The following DOCK7 variants were observed in gnomAD, a reference collection of about 807,000 sequenced individuals.
DOCK7 encodes the protein dedicator of cytokinesis 7.
DOCK7 carries 138 observed loss-of-function variants against 271.0 expected under a neutral mutation model. The observed-to-expected ratio is 0.51, with a 90% CI of 0.44 to 0.59. DOCK7 has a LOEUF of 0.59. Ranked by LOEUF, DOCK7 falls within the 20% of genes least tolerant of loss-of-function variation. DOCK7 has a pLI of 0.00. For missense variants in DOCK7, 2,066 were observed against 2,592.4 expected (o/e 0.80, Z 4.41); for synonymous variants, 823 against 876.1 (o/e 0.94, Z 1.07).
At chr1:62,549,606 T>TG (rs1435605181) in intron 22 of DOCK7, among the ~76,000 whole-genome samples, 1 of 152,152 alleles carries the variant, frequency 6.6e-6, no homozygotes, top group Non-Finnish European at 1.5e-5. Context: ...TCAGGATGAG[T>TG]GGGGTATCCA....
At chr1:62,640,007 C>T (rs1052574877) in intron 7 of DOCK7, among the ~76,000 whole-genome samples, 2 of 151,590 alleles carry the variant, frequency 1.3e-5, no homozygotes, top group African/African-American at 2.4e-5. Flanking sequence ...AGGCATGTTT[C>T]AAGAAATGCT....
At chr1:62,566,956 C>G (rs1324452237) in intron 18 of DOCK7, among the ~76,000 whole-genome samples, 1 of 152,216 alleles carries the variant, frequency 6.6e-6, no homozygotes, top group Non-Finnish European at 1.5e-5. Context: ...TGCTCATCAT[C>G]ACTGATCAAT....
At chr1:62,603,750 T>C (rs1156814624) in intron 14 of DOCK7, among the ~76,000 whole-genome samples, 1 of 151,890 alleles carries the variant, frequency 6.6e-6, no homozygotes. Context: ...GAAAGGATAA[T>C]CAGACTTTCA....
At chr1:62,569,201 A>G (rs1553172956) in intron 18 of DOCK7, among the ~76,000 whole-genome samples, 1 of 152,030 alleles carries the variant, frequency 6.6e-6, no homozygotes, top group Admixed American at 6.6e-5. Flanking sequence ...ACTATTCCAA[A>G]CAACTGCAAA....
At chr1:62,468,660 A>C (rs764113412) in intron 48 of DOCK7, among the ~76,000 whole-genome samples, 14 of 152,252 alleles carry the variant, frequency 9.2e-5, no homozygotes, top group Non-Finnish European at 1.6e-4. Context: ...ATACCTAGAA[A>C]ACCCTAAAGA....
chr1:62,544,449 G>A (rs1645634462), intron 23 of DOCK7, among the ~76,000 whole-genome samples: 1 of 152,130 alleles, frequency 6.6e-6, no homozygotes, highest in Non-Finnish European at 1.5e-5. Flanking sequence ...GAGTCTTATA[G>A]CACGGGGATC....
At chr1:62,549,092 A>G (rs993358626) in intron 22 of DOCK7, among the ~76,000 whole-genome samples, 3 of 152,174 alleles carry the variant, frequency 2.0e-5, no homozygotes, top group African/African-American at 7.2e-5. Context: ...GGCCTGAAAC[A>G]CATCCAGATA....
chr1:62,602,988 C>T (rs531326981), intron 14 of DOCK7, among the ~76,000 whole-genome samples: 1 of 151,732 alleles, frequency 6.6e-6, no homozygotes, highest in South Asian at 2.1e-4. Context: ...TGAATGATGT[C>T]TAAGTACTCA....
At chr1:62,490,187 C>A (rs935056399) in intron 41 of DOCK7, among the ~76,000 whole-genome samples, 16 of 151,794 alleles carry the variant, frequency 1.1e-4, no homozygotes, top group African/African-American at 3.6e-4. Context: ...CCTCCCACCC[C>A]AGCCTCCTAA....
intron 18 of DOCK7, among the ~76,000 whole-genome samples, chr1:62,567,046 A>C (rs534240423): frequency 2.6e-5 from 4 of 152,292 alleles, no homozygotes; most frequent in African/African-American, 9.6e-5. Context: ...GTCAGAAAGC[A>C]ACAGATGCTG....
At chr1:62,542,469 CAT>C in intron 25 of DOCK7, 137 bp downstream of exon 25, 1 of 690,764 alleles carries the variant, frequency 1.4e-6, no homozygotes, top group South Asian at 2.2e-5. Flanking sequence ...AGATGTAACA[CAT>C]GTAATTTTGT....
rs533318696 is a variant in DOCK7 at position 62,685,425 on chromosome 1, C to T, written c.38+2802G>A. On this transcript the variant is annotated intron_variant, in intron 1 of 49. Coordinates refer to ENST00000635253, the MANE Select transcript of DOCK7 (RefSeq NM_001367561.1). ...ATCATATTTGATAACAAGGAAGAACCTTTCATTCACAATAAGCAGTTAATA... is the reference window on the plus strand; with the variant it reads ...ATCATATTTGATAACAAGGAAGAACTTTTCATTCACAATAAGCAGTTAATA... 3.9e-5 allele frequency among the ~76,000 whole-genome samples: 6 copies of T among 152,220 alleles called. No individual in the cohort carries two copies. In the South Asian group the frequency reaches 1.2e-3, roughly 32 times the overall value.
intron 14 of DOCK7, among the ~76,000 whole-genome samples, chr1:62,603,164 C>CA (rs927526605): frequency 6.6e-6 from 1 of 151,534 alleles, no homozygotes; most frequent in Non-Finnish European, 1.5e-5. Flanking sequence ...AGTGTAACCC[C>CA]AAAATAAAAG....
intron 18 of DOCK7, among the ~76,000 whole-genome samples, chr1:62,568,128 G>C (rs1010531995): frequency 2.0e-5 from 3 of 151,926 alleles, no homozygotes; most frequent in Admixed American, 2.0e-4. Context: ...CACGGAAATT[G>C]CACAATTGCT....
At chr1:62,624,476 C>A (rs528861948) in intron 12 of DOCK7, among the ~76,000 whole-genome samples, 1 of 152,208 alleles carries the variant, frequency 6.6e-6, no homozygotes, top group East Asian at 1.9e-4. Flanking sequence ...TGTCTTGGAT[C>A]CATACATTCA....
chr1:62,546,719 CTAG>C (rs1283097343), intron 22 of DOCK7, among the ~76,000 whole-genome samples: 1 of 152,028 alleles, frequency 6.6e-6, no homozygotes, highest in Non-Finnish European at 1.5e-5. Context: ...TATCAAAATA[CTAG>C]TAAGATTATG....
chr1:62,481,406 C>A (rs1571238517), intron 43 of DOCK7: 1 of 152,282 alleles, frequency 6.6e-6, no homozygotes, highest in East Asian at 1.9e-4. Context: ...TACACTCCCT[C>A]TAGTGTCAAA....
intron 37 of DOCK7, among the ~76,000 whole-genome samples, chr1:62,498,595 C>T (rs913124078): frequency 6.6e-6 from 1 of 151,004 alleles, no homozygotes; most frequent in Admixed American, 6.6e-5. Flanking sequence ...ATTAAATGAA[C>T]ATCACTTTCT....
Position 62,455,360 on chromosome 1 carries a change from A to ACT in DOCK7, c.*52_*53dup, listed in dbSNP as rs1169810058. On this transcript the variant is annotated 3_prime_UTR_variant, in exon 50 of 50. Transcript: ENST00000635253. ...GTTGTTTTCCAATAGATCTTTTCAC[A>ACT]CTCGATGTTGAATACATGGCTCTTT... 1.9e-6 allele frequency: 3 copies of ACT among 1,574,524 alleles called. No homozygotes were observed. Among genetic ancestry groups the ACT allele is most frequent in the African/African-American group, 2.7e-5 (2 of 73,998 alleles).
Sources: allele counts gnomAD v4.1 joint callset (sites outside exome capture counted in the v4.1 genomes callset), GRCh38; gene constraint gnomAD v4.1.1; transcripts MANE v1.5; gene names NCBI Gene and HGNC (gene_info 2026-07-23, HGNC 2026-07-21).